Variants in FAM169A observed in about 807,000 individuals in gnomAD.
FAM169A encodes the protein family with sequence similarity 169 member A.
Under a neutral mutation model 75.7 loss-of-function variants are expected in FAM169A, and 24 were observed. The observed-to-expected ratio is 0.32, with a 90% CI of 0.23 to 0.45. FAM169A has a LOEUF of 0.45. FAM169A is among the 20% of genes least tolerant of loss of function. The probability of loss-of-function intolerance (pLI) is 1.00; values close to 1 mark genes in which losing one functional copy is unlikely to be tolerated. For missense variants in FAM169A, 673 were observed against 784.0 expected, an observed-to-expected ratio of 0.86 and a Z score of 1.69; for synonymous variants, 271 against 271.0, an observed-to-expected ratio of 1.00 and a Z score of 0.00.
At chr5:74,810,325 C>T (rs1470777512) in intron 6 of FAM169A, among the ~76,000 whole-genome samples, 1 of 151,846 alleles carries the variant, frequency 6.6e-6, no homozygotes, top group Non-Finnish European at 1.5e-5. Context: ...GGAAGGAAGC[C>T]GGGGGACTGG....
At chr5:74,794,002 CAAAAAAAA>C (rs1276485325) in intron 11 of FAM169A, among the ~76,000 whole-genome samples, 4 of 50,750 alleles carry the variant, frequency 7.9e-5, no homozygotes, top group Admixed American at 4.5e-4. Context: ...GACTCCATCT[CAAAAAAAA>C]AAAAAAAAAA....
intron 10 of FAM169A, chr5:74,799,455 T>C (rs759408937): frequency 5.6e-6 from 9 of 1,612,242 alleles, no homozygotes; most frequent in African/African-American, 1.3e-5. Flanking sequence ...ATCCCAACAA[T>C]GTTTTGCTGG....
At chr5:74,818,793 C>CTATATATA (rs1274131514) in intron 5 of FAM169A, among the ~76,000 whole-genome samples, 4 of 139,496 alleles carry the variant, frequency 2.9e-5, no homozygotes, top group Admixed American at 2.2e-4. Context: ...CTCTCTCTCT[C>CTATATATA]TCTCTCTCTC....
intron 1 of FAM169A, among the ~76,000 whole-genome samples, chr5:74,860,417 A>T (rs553901482): frequency 2.1e-4 from 32 of 152,316 alleles, no homozygotes; most frequent in African/African-American, 7.7e-4. Context: ...TTCTGTCCTT[A>T]TCACTATATT....
chr5:74,783,692 C>T (rs1315492316), intron 11 of FAM169A, among the ~76,000 whole-genome samples: 1 of 152,194 alleles, frequency 6.6e-6, no homozygotes, highest in Non-Finnish European at 1.5e-5. Flanking sequence ...CATTTCTGAA[C>T]AGTCCTGCTC....
At chr5:74,812,787 T>C (rs999213169) in intron 6 of FAM169A, among the ~76,000 whole-genome samples, 1 of 152,192 alleles carries the variant, frequency 6.6e-6, no homozygotes, top group Non-Finnish European at 1.5e-5. Context: ...AGGATGCCTG[T>C]AATAAAATAT....
chr5:74,845,379 G>A (rs1195879180), intron 1 of FAM169A, among the ~76,000 whole-genome samples: 16 of 151,998 alleles, frequency 1.1e-4, no homozygotes, highest in Admixed American at 7.9e-4. Context: ...TTAGCCGGGC[G>A]TGGTAGTGCG....
At chr5:74,845,242 G>T (rs534240597) in intron 1 of FAM169A, among the ~76,000 whole-genome samples, 1 of 152,248 alleles carries the variant, frequency 6.6e-6, no homozygotes, top group Non-Finnish European at 1.5e-5. Context: ...GTACATGCCG[G>T]GTGCGGTGGT....
rs934465501 is a variant in FAM169A at position 74,781,809 on chromosome 5, G to A, written c.1664C>T (p.Pro555Leu). 1.9e-6 allele frequency: 3 copies of A among 1,613,852 alleles called. No individual in the cohort carries two copies. The highest frequency in any genetic ancestry group is 1.3e-5 in the African/African-American group (1 of 74,906). Reference sequence around the variant, plus strand: ...ATTAGGAGACAAATTCTCAGAGACCGGTTCTTCGGAAAATTCAGCTATCAC... The same window carrying A: ...ATTAGGAGACAAATTCTCAGAGACCAGTTCTTCGGAAAATTCAGCTATCAC... Reference protein sequence around the residue: ...NSVIAEFSEEPVSENLSPNTT... With the variant: ...NSVIAEFSEELVSENLSPNTT... The change falls in exon 13 of 13, where the codon CCG (proline) becomes CTG (leucine). Residue 555 changes from proline (P) to leucine (L), a missense_variant. Pro to Leu is a moderately conservative substitution (Grantham distance 98, BLOSUM62 -3). Coordinates refer to ENST00000687041, the MANE Select transcript of FAM169A (RefSeq NM_001376049.1).
intron 10 of FAM169A, chr5:74,799,811 C>G (rs1441584323): frequency 9.2e-7 from 1 of 1,083,558 alleles, no homozygotes; most frequent in Non-Finnish European, 1.4e-6. Flanking sequence ...TGCTCTTGAA[C>G]TACGATGACC....
At chr5:74,854,871 C>A (rs56276104) in intron 1 of FAM169A, among the ~76,000 whole-genome samples, 54,258 of 152,054 alleles carry the variant, frequency 0.36, 12,912 homozygotes, top group African/African-American at 0.68. Flanking sequence ...TTGACACTCA[C>A]GTTGCTTTCA....
chr5:74,841,276 A>G (rs1024487241), intron 2 of FAM169A, among the ~76,000 whole-genome samples: 2 of 152,240 alleles, frequency 1.3e-5, no homozygotes, highest in Non-Finnish European at 2.9e-5. Context: ...GTAAATCTGA[A>G]GCAGCTCAAA....
At chr5:74,801,674 TC>T (rs1275333524) in intron 8 of FAM169A, 45 bp from the exon 9 acceptor site, 14 of 1,421,822 alleles carry the variant, frequency 9.8e-6, no homozygotes, top group Non-Finnish European at 1.3e-5. Flanking sequence ...GACTATTTTT[TC>T]TCCCTATGGA....
chr5:74,785,270 G>A (rs1024708343), intron 11 of FAM169A, among the ~76,000 whole-genome samples: 4 of 152,104 alleles, frequency 2.6e-5, no homozygotes, highest in Non-Finnish European at 5.9e-5. Context: ...GTTAAGCCTA[G>A]ATTGCACCAC....
intron 2 of FAM169A, among the ~76,000 whole-genome samples, chr5:74,840,604 C>A (rs970148419): frequency 6.6e-6 from 1 of 150,482 alleles, no homozygotes; most frequent in Non-Finnish European, 1.5e-5. Flanking sequence ...CCAAGGCGGG[C>A]GGATCACAAG....
At chr5:74,835,371 G>A (rs1748517855) in intron 4 of FAM169A, among the ~76,000 whole-genome samples, 4 of 152,114 alleles carry the variant, frequency 2.6e-5, no homozygotes, top group South Asian at 2.1e-4. Flanking sequence ...GGAAGCTGAG[G>A]TGGGTGGATC....
Position 74,866,231 on chromosome 5 carries a change from A to G in FAM169A, c.-70T>C. ...GAGGCGGAGCCGCGCGAATGAATGGAGCCGGCGGCTGCTCGCTGGCGACCT... is the reference window on the plus strand; with the variant it reads ...GAGGCGGAGCCGCGCGAATGAATGGGGCCGGCGGCTGCTCGCTGGCGACCT... On this transcript the variant is annotated 5_prime_UTR_variant, in exon 1 of 13. Coordinates refer to ENST00000687041, the MANE Select transcript of FAM169A (RefSeq NM_001376049.1). The G allele has an allele frequency of 1.7e-5, 17 of 983,696 alleles. No individual in the cohort carries two copies. Among genetic ancestry groups the G allele is most frequent in the Non-Finnish European group, 2.1e-5 (17 of 829,106 alleles). The allele number at this position is 983,696 out of a possible 1,614,324, so 60.9% of individuals were successfully genotyped here. A position where few individuals can be genotyped will look rare whatever the true frequency, so the allele number is the denominator to read the frequency against.
chr5:74,866,549 G>C (rs1442828398), upstream of FAM169A: 4 of 524,420 alleles, frequency 7.6e-6, no homozygotes, highest in Non-Finnish European at 9.8e-6. Context: ...TGCGGGCTTG[G>C]CCAGCCCGGG....
intron 5 of FAM169A, among the ~76,000 whole-genome samples, chr5:74,828,477 T>C (rs1748147427): frequency 6.6e-6 from 1 of 152,132 alleles, no homozygotes; most frequent in Non-Finnish European, 1.5e-5. Flanking sequence ...CTAACACAAA[T>C]GTTGCCACCA....
Sources: gnomAD v4.1 joint callset for allele counts (sites outside exome capture counted in the v4.1 genomes callset) on GRCh38, gnomAD v4.1.1 for gene constraint, MANE v1.5 for transcripts, NCBI Gene and HGNC (gene_info 2026-07-23, HGNC 2026-07-21) for gene names.